The following USP28 variants were observed in gnomAD, a reference collection of about 807,000 sequenced individuals.
USP28 encodes the protein ubiquitin carboxyl-terminal hydrolase 28.
In USP28, 113 loss-of-function variants were observed where a neutral mutation model predicts 145.0. That is an observed-to-expected ratio of 0.78 (90% confidence interval 0.67 to 0.91). The LOEUF (loss-of-function observed/expected upper bound fraction) is 0.91. USP28 is among the 40% of genes least tolerant of loss of function. USP28 has a pLI of 0.00. For synonymous variants in USP28, 447 were observed against 450.9 expected (o/e 0.99, Z 0.11); for missense variants, 1,201 against 1,289.6 (o/e 0.93, Z 1.05).
intron 10 of USP28, chr11:113,828,933 G>T: frequency 1.7e-6 from 1 of 599,972 alleles, no homozygotes; most frequent in Non-Finnish European, 3.1e-6. Flanking sequence ...TCAACAGAAA[G>T]AGAGAAACTT....
intron 11 of USP28, among the ~76,000 whole-genome samples, chr11:113,824,249 A>G (rs1235770003): frequency 7.9e-5 from 12 of 152,198 alleles, no homozygotes; most frequent in Non-Finnish European, 1.6e-4. Flanking sequence ...AGAGATATTA[A>G]TAAGGACTTA....
Position 113,831,988 on chromosome 11 carries a change from ATC to A in USP28, c.763_764del (p.Asp255CysfsTer3), listed in dbSNP as rs1188080859. 1 of 1,613,906 alleles carries A rather than the reference ATC, an allele frequency of 6.2e-7. No homozygotes were observed. Among genetic ancestry groups the A allele is most frequent in the Admixed American group, 1.7e-5 (1 of 60,014 alleles). On this transcript the variant is annotated frameshift_variant, in exon 8 of 25. Transcript: ENST00000003302. LOFTEE classifies it high-confidence loss of function. ...GGAGCTTGTGTGTGAATTCACTCAC[ATC>A]TTGCTATAAGAGAGGCACAAATTGC...
intron 12 of USP28, among the ~76,000 whole-genome samples, chr11:113,819,285 A>T (rs1326795171): frequency 6.6e-6 from 1 of 151,406 alleles, no homozygotes; most frequent in Non-Finnish European, 1.5e-5. Flanking sequence ...GCTAATTTTT[A>T]TATTTTTAGT....
At chr11:113,821,960 A>T (rs1942671759) in intron 12 of USP28, 1 of 152,188 alleles carries the variant, frequency 6.6e-6, no homozygotes, top group Non-Finnish European at 1.5e-5. Flanking sequence ...CTCTAGCTTC[A>T]TGAAGGTACA....
At chr11:113,817,714 C>G (rs750950355) in exon 13 of USP28, 1 of 1,614,202 alleles carries the variant, frequency 6.2e-7, no homozygotes, top group East Asian at 2.2e-5. Context: ...GTGGTAATGT[C>G]ATATGTGTGT....
At chr11:113,846,911 C>T (rs1335072136) in intron 3 of USP28, among the ~76,000 whole-genome samples, 2 of 152,162 alleles carry the variant, frequency 1.3e-5, no homozygotes, top group Non-Finnish European at 2.9e-5. Flanking sequence ...AGGAGAATAG[C>T]TTATACCCAG....
At chr11:113,860,030 C>T (rs2136762291) in intron 1 of USP28, among the ~76,000 whole-genome samples, 1 of 152,316 alleles carries the variant, frequency 6.6e-6, no homozygotes, top group Middle Eastern at 3.4e-3. Context: ...AACTCACCCA[C>T]AATCAGCAAT....
chr11:113,874,651 A>C, intron 1 of USP28: 1 of 1,272,618 alleles, frequency 7.9e-7, no homozygotes, highest in South Asian at 1.3e-5. Context: ...AGGTGGTGTT[A>C]AGTTATAACA....
At chr11:113,834,205 A>C in intron 6 of USP28, 44 bp downstream of exon 6, 1 of 1,476,742 alleles carries the variant, frequency 6.8e-7, no homozygotes, top group Non-Finnish European at 9.4e-7. Flanking sequence ...TTAGGGATGA[A>C]AGGGACTAAA....
At chr11:113,812,424 T>A in exon 16 of USP28, 1 of 1,614,062 alleles carries the variant, frequency 6.2e-7, no homozygotes, top group Admixed American at 1.7e-5. Context: ...TCTGTCGGGG[T>A]TGATTATAGA....
In USP28 at chr11:113,825,389, A is replaced by G. The variant is rs181285489; in HGVS notation, c.1188-1689T>C. Among the ~76,000 whole-genome samples, 29 of 152,354 alleles carry G rather than the reference A, an allele frequency of 1.9e-4. 1 individual carries two copies. Among genetic ancestry groups the G allele is most frequent in the Admixed American group, 1.8e-3 (27 of 15,298 alleles). ...AGGATGTAGAGCAAATGGAGCCCTC[A>G]CACACTGCTAGAGGGAATGCAAAAT... On this transcript the variant is annotated intron_variant, in intron 11 of 24. Coordinates refer to ENST00000003302, the Ensembl canonical transcript of USP28.
At chr11:113,804,738 T>A in exon 21 of USP28, 1 of 1,614,220 alleles carries the variant, frequency 6.2e-7, no homozygotes, top group Non-Finnish European at 8.5e-7. Context: ...GCCACCTTCA[T>A]AATGCTGATT....
Position 113,840,594 on chromosome 11 carries a change from A to G in USP28, c.534+4T>C. On this transcript the variant is annotated splice_donor_region_variant and intron_variant, in intron 5 of 24. Transcript: ENST00000003302. ...GACACAGTTATCTCTTAAAAATATCATACCTGAATAACAGCACTAAACCAA... is the reference window on the plus strand; with the variant it reads ...GACACAGTTATCTCTTAAAAATATCGTACCTGAATAACAGCACTAAACCAA... 1 of 1,609,220 alleles carries G rather than the reference A, an allele frequency of 6.2e-7. No individual in the cohort carries two copies.
chr11:113,833,358 C>A, intron 7 of USP28, 62 bp downstream of exon 7: 1 of 1,570,460 alleles, frequency 6.4e-7, no homozygotes, highest in Non-Finnish European at 8.6e-7. Flanking sequence ...TGAAATGAAG[C>A]AGTACCGCAT....
At chr11:113,822,199 C>A (rs896591040) in intron 12 of USP28, among the ~76,000 whole-genome samples, 2 of 152,110 alleles carry the variant, frequency 1.3e-5, no homozygotes, top group African/African-American at 4.8e-5. Flanking sequence ...CGCCTATAAT[C>A]CCAGGACTTT....
chr11:113,823,570 T>C (rs1157838387), intron 12 of USP28, 35 bp downstream of exon 12: 1 of 1,410,256 alleles, frequency 7.1e-7, no homozygotes, highest in Non-Finnish European at 9.8e-7. Flanking sequence ...TAATATTCTT[T>C]TACATTTCTA....
At chr11:113,808,458 G>T (rs758854496) in intron 17 of USP28, 21 bp from the exon 18 acceptor site, 1 of 1,611,026 alleles carries the variant, frequency 6.2e-7, no homozygotes, top group South Asian at 1.1e-5. Flanking sequence ...ATTGAACAAA[G>T]GTCTTAGCAT....
chr11:113,805,614 G>A (rs1426797655), intron 19 of USP28, among the ~76,000 whole-genome samples: 3 of 152,124 alleles, frequency 2.0e-5, no homozygotes, highest in Non-Finnish European at 4.4e-5. Flanking sequence ...CAAATATTTA[G>A]TTTTAATTGT....
chr11:113,812,038 G>C (rs1372439848), intron 16 of USP28, among the ~76,000 whole-genome samples: 1 of 152,168 alleles, frequency 6.6e-6, no homozygotes, highest in African/African-American at 2.4e-5. Context: ...GTGTCTTGAA[G>C]ACTACATAAG....
Sources: allele counts gnomAD v4.1 joint callset (sites outside exome capture counted in the v4.1 genomes callset), GRCh38; gene constraint gnomAD v4.1.1; transcripts MANE v1.5; gene names NCBI Gene and HGNC (gene_info 2026-07-23, HGNC 2026-07-21).